Variants in ACTN4 observed in about 807,000 individuals in gnomAD.
ACTN4 encodes the protein alpha-actinin-4.
Under a neutral mutation model 114.2 loss-of-function variants are expected in ACTN4, and 18 were observed. That is an observed-to-expected ratio of 0.16 (90% CI 0.11 to 0.23). The LOEUF is 0.23. Among genes scored for constraint, ACTN4 ranks in the 10% least tolerant of loss-of-function variants. The pLI is 1.00. For missense variants in ACTN4, 722 were observed against 1,262.9 expected (o/e 0.57, Z 6.49); for synonymous variants, 515 against 506.3 (o/e 1.02, Z -0.23).
At position 38,728,443 on chromosome 19, in the gene ACTN4, CCT is replaced by C. The variant is rs1969332363; in HGVS notation, c.2418+419_2418+420del. 5.5e-6 allele frequency: 6 copies of C among 1,084,056 alleles called. No individual in the cohort carries two copies. In the South Asian group the frequency reaches 7.2e-5, roughly 13 times the overall value. 67.2% of individuals were successfully genotyped at this position (1,084,056 alleles called of 1,614,324 possible). On this transcript the variant is annotated intron_variant, in intron 19 of 20. Transcript: ENST00000252699. Reference sequence around the variant, plus strand: ...TCCTCCTCCTCCTCCTCCTCCTCCTCCTCCTCCCCCCCACCTCTCCCCCTCAC... The same window carrying C: ...TCCTCCTCCTCCTCCTCCTCCTCCTCCCTCCCCCCCACCTCTCCCCCTCAC...
rs188292203 is a variant in ACTN4, at chr19:38,666,693, A to G, written c.162+18786A>G. Among the ~76,000 whole-genome samples the G allele has an allele frequency of 3.5e-4, 54 of 152,340 alleles. 1 individual carries two copies. In the East Asian group the frequency reaches 5.6e-3, roughly 16 times the overall value. On this transcript the variant is annotated intron_variant, in intron 1 of 20. Coordinates refer to ENST00000252699, the MANE Select transcript of ACTN4 (RefSeq NM_004924.6). ...TTCCCCTTGACTGTGCCAGGGTTCA[A>G]TTAGCCTGGGCATTAATTAAAACTT...
Position 38,723,961 on chromosome 19 carries a change from A to G in ACTN4, c.1576A>G (p.Ile526Val). 2 of 1,608,206 alleles carry G rather than the reference A, an allele frequency of 1.2e-6. No individual in the cohort carries two copies. The highest frequency in any genetic ancestry group is 1.7e-6 in the Non-Finnish European group (2 of 1,177,618). Reference sequence around the variant, plus strand: ...GAAAACAGAGAAGCAGCTGGAGGCCATCGACCAGCTGCACCTGGAATACGC... The same window carrying G: ...GAAAACAGAGAAGCAGCTGGAGGCCGTCGACCAGCTGCACCTGGAATACGC... ...LEKTEKQLEA[I>V]DQLHLEYAKR... The change falls in exon 14 of 21, where the codon ATC becomes GTC. Residue 526 changes from isoleucine (I) to valine (V), a missense_variant. Coordinates refer to ENST00000252699, the MANE Select transcript of ACTN4 (RefSeq NM_004924.6).
chr19:38,687,535 A>G lies in ACTN4; in HGVS notation c.163-13065A>G, dbSNP rs555074094. The stretch of plus-strand genomic sequence containing the variant: ...AGGACCATTCAATGGGGGAAAGAAT[A>G]GTGTTTTCAACAAATAGTGCAGGAA... On this transcript the variant is annotated intron_variant, in intron 1 of 20. Transcript: ENST00000252699. Among the ~76,000 whole-genome samples the G allele has an allele frequency of 2.6e-5, 4 of 152,352 alleles. No individual in the cohort carries two copies. In the East Asian group the frequency reaches 7.7e-4, roughly 29 times the overall value.
chr19:38,724,947 G>A lies in ACTN4; in HGVS notation c.2010+382G>A, dbSNP rs922011872. 6.6e-6 allele frequency among the ~76,000 whole-genome samples: 1 copy of A among 152,246 alleles called. No homozygotes were observed. The highest frequency in any genetic ancestry group is 2.4e-5 in the African/African-American group (1 of 41,460). On this transcript the variant is annotated intron_variant, in intron 16 of 20. Transcript: ENST00000252699. This position sits in a 1 kb window ranked among gnomAD's most constrained non-coding sequence, Gnocchi z 7.0. Reference sequence around the variant, plus strand: ...CACTTCAGCCTGACAGCGAGACCCTGTGGTCTCTAGTGGGCTACCTATGGG... The same window carrying A: ...CACTTCAGCCTGACAGCGAGACCCTATGGTCTCTAGTGGGCTACCTATGGG...
At chr19:38,726,013 T>G (rs1215995981) in intron 17 of ACTN4, 110 bp downstream of exon 17, 2 of 1,450,338 alleles carry the variant, frequency 1.4e-6, no homozygotes, top group African/African-American at 2.8e-5. Context: ...TGTTTTTCAC[T>G]CTGTTTAAAA....
At chr19:38,663,099 C>T (rs538705439) in intron 1 of ACTN4, among the ~76,000 whole-genome samples, 119 of 152,146 alleles carry the variant, frequency 7.8e-4, no homozygotes, top group Admixed American at 1.6e-3. Context: ...TTAGTAGAGA[C>T]GGGGTTTCAT....
intron 1 of ACTN4, among the ~76,000 whole-genome samples, chr19:38,681,129 GAAAA>G (rs35906770): frequency 3.0e-4 from 21 of 69,288 alleles, no homozygotes; most frequent in South Asian, 3.0e-3. Context: ...CCAATCTCTA[GAAAA>G]AAAAAAAAAA....
intron 1 of ACTN4, among the ~76,000 whole-genome samples, chr19:38,674,585 G>A (rs781135094): frequency 3.9e-5 from 6 of 152,088 alleles, no homozygotes; most frequent in African/African-American, 9.7e-5. Context: ...TTCACTTTAC[G>A]TCAGTCCCAG....
intron 9 of ACTN4, among the ~76,000 whole-genome samples, chr19:38,716,600 A>G (rs888551194): frequency 1.3e-5 from 2 of 152,236 alleles, no homozygotes; most frequent in African/African-American, 4.8e-5. Context: ...TTGGGAGGCT[A>G]AAGTGGGATT....
At chr19:38,656,787 C>G (rs967656259) in intron 1 of ACTN4, among the ~76,000 whole-genome samples, 6 of 152,134 alleles carry the variant, frequency 3.9e-5, no homozygotes, top group African/African-American at 9.7e-5. Flanking sequence ...GTTTCCCCCC[C>G]AAAGGTGTGG....
intron 11 of ACTN4, among the ~76,000 whole-genome samples, chr19:38,721,169 G>A (rs1049255988): frequency 6.6e-6 from 1 of 152,138 alleles, no homozygotes; most frequent in Non-Finnish European, 1.5e-5. Flanking sequence ...TTTGACCCCG[G>A]GTGCTTCTCC....
intron 1 of ACTN4, among the ~76,000 whole-genome samples, chr19:38,678,636 G>A (rs1486322033): frequency 6.6e-6 from 1 of 152,158 alleles, no homozygotes; most frequent in Non-Finnish European, 1.5e-5. Context: ...GGCTCTCTCC[G>A]GGCCATGGGA....
chr19:38,706,458 C>A (rs1968462768), intron 5 of ACTN4, among the ~76,000 whole-genome samples: 1 of 152,192 alleles, frequency 6.6e-6, no homozygotes, highest in African/African-American at 2.4e-5. Context: ...GTGCTGTCAC[C>A]CAGACTGGAG....
chr19:38,670,662 C>T (rs1356568497), intron 1 of ACTN4, among the ~76,000 whole-genome samples: 2 of 152,086 alleles, frequency 1.3e-5, no homozygotes, highest in East Asian at 1.9e-4. Flanking sequence ...CAGTGGCTCA[C>T]GCCTGTAATC....
At chr19:38,707,382 A>G (rs2145019569) in intron 5 of ACTN4, among the ~76,000 whole-genome samples, 1 of 152,236 alleles carries the variant, frequency 6.6e-6, no homozygotes, top group Non-Finnish European at 1.5e-5. Flanking sequence ...GTAATCCTGC[A>G]GCATAACTTC....
intron 6 of ACTN4, among the ~76,000 whole-genome samples, chr19:38,708,437 G>A (rs1968532984): frequency 6.6e-6 from 1 of 152,146 alleles, no homozygotes; most frequent in African/African-American, 2.4e-5. Context: ...CAACCAACCC[G>A]GGGTTATTTA....
rs548166472 is a variant in ACTN4 at position 38,731,251 on chromosome 19, T to C, written c.*1819T>C. On this transcript the variant is annotated 3_prime_UTR_variant, in exon 21 of 21. Coordinates refer to ENST00000252699, the MANE Select transcript of ACTN4 (RefSeq NM_004924.6). ...AGGGGGAGGCTGCTTCTGAGCCCAG[T>C]GGCCCACAGGGAACCCACCTTGGCA... is the stretch of plus-strand genomic sequence containing the variant. 5.5e-5 allele frequency: 87 copies of C among 1,588,938 alleles called. 1 individual carries two copies. In the East Asian group the frequency reaches 1.9e-3, roughly 34 times the overall value.
chr19:38,688,744 G>T (rs1026681444), intron 1 of ACTN4, among the ~76,000 whole-genome samples: 1 of 151,316 alleles, frequency 6.6e-6, no homozygotes, highest in Non-Finnish European at 1.5e-5. Context: ...AAAAAAAACA[G>T]AAAACCACAA....
At chr19:38,658,776 G>A (rs1976784614) in intron 1 of ACTN4, among the ~76,000 whole-genome samples, 1 of 152,142 alleles carries the variant, frequency 6.6e-6, no homozygotes, top group South Asian at 2.1e-4. Flanking sequence ...AGATATTCAA[G>A]TCCTGGAAGG....
Sources: gnomAD v4.1 joint callset for allele counts (sites outside exome capture counted in the v4.1 genomes callset) on GRCh38, gnomAD v4.1.1 for gene constraint, Gnocchi (gnomAD v3.1) non-coding constraint, MANE v1.5 for transcripts, NCBI Gene and HGNC (gene_info 2026-07-23, HGNC 2026-07-21) for gene names.